EPHB1: variants seen among roughly 807,000 people sequenced by gnomAD.
The protein encoded by EPHB1 is EPH receptor B1.
EPHB1 carries 30 observed loss-of-function variants against 94.4 expected under a neutral mutation model. That is an observed-to-expected ratio of 0.32 (90% CI 0.24 to 0.43). The LOEUF (loss-of-function observed/expected upper bound fraction) is 0.43. Ranked by LOEUF, EPHB1 falls within the 20% of genes least tolerant of loss-of-function variation. The pLI, the probability that EPHB1 is intolerant of heterozygous loss-of-function variation, is 1.00. For missense variants in EPHB1, 1,055 were observed against 1,308.3 expected (o/e 0.81, Z 2.99); for synonymous variants, 522 against 489.1 (o/e 1.07, Z -0.89).
chr3:134,865,318 T>G (rs750717856), intron 1 of EPHB1, among the ~76,000 whole-genome samples: 1 of 152,178 alleles, frequency 6.6e-6, no homozygotes, highest in Non-Finnish European at 1.5e-5. Flanking sequence ...AACCTGCATA[T>G]TGAAATACAC....
rs2035796164 is a variant in EPHB1 at position 134,795,261 on chromosome 3, G to A, written c.-371G>A. ...GGGGATCCCGCTCCCTCCCGCGTCAGTCTGGCCGGCTCCGTCCTCCCGTAG... is the reference window on the plus strand; with the variant it reads ...GGGGATCCCGCTCCCTCCCGCGTCAATCTGGCCGGCTCCGTCCTCCCGTAG... On this transcript the variant is annotated 5_prime_UTR_variant, in exon 1 of 16. Transcript: ENST00000398015. The A allele has an allele frequency of 2.7e-6, 1 of 372,456 alleles. No homozygotes were observed. The highest frequency in any genetic ancestry group is 4.8e-6 in the Non-Finnish European group (1 of 206,396). 23.1% of individuals were successfully genotyped at this position (372,456 alleles called of 1,614,324 possible).
chr3:134,918,878 T>A (rs548296236), intron 1 of EPHB1, among the ~76,000 whole-genome samples: 2 of 152,354 alleles, frequency 1.3e-5, no homozygotes, highest in African/African-American at 4.8e-5. Flanking sequence ...AGTTATTAGG[T>A]GGTCAGAGGG....
chr3:135,023,297 A>T (rs924251430), intron 3 of EPHB1, among the ~76,000 whole-genome samples: 5 of 152,224 alleles, frequency 3.3e-5, no homozygotes, highest in African/African-American at 1.2e-4. Flanking sequence ...TACATCTCCC[A>T]TGGAGTACAG....
chr3:135,049,955 G>C (rs973165302), intron 3 of EPHB1, among the ~76,000 whole-genome samples: 4 of 152,158 alleles, frequency 2.6e-5, no homozygotes, highest in African/African-American at 9.7e-5. Flanking sequence ...TATGCTTCCA[G>C]TGGTACCCCG....
chr3:135,020,334 CAT>C (rs1429634080), intron 3 of EPHB1, among the ~76,000 whole-genome samples: 1 of 152,122 alleles, frequency 6.6e-6, no homozygotes, highest in Non-Finnish European at 1.5e-5. Context: ...TTAGTGTATT[CAT>C]AGAGTTGTGC....
intron 3 of EPHB1, among the ~76,000 whole-genome samples, chr3:134,964,213 C>A (rs377533082): frequency 2.6e-5 from 4 of 152,074 alleles, no homozygotes; most frequent in Admixed American, 1.3e-4. Flanking sequence ...GAGGGACCTC[C>A]GAAGAAACTG....
At chr3:135,244,036 G>T (rs1352849401) in intron 13 of EPHB1, among the ~76,000 whole-genome samples, 1 of 152,006 alleles carries the variant, frequency 6.6e-6, no homozygotes, top group Non-Finnish European at 1.5e-5. Context: ...ACATGTCTGG[G>T]GGCAGCCGGG....
intron 5 of EPHB1, among the ~76,000 whole-genome samples, chr3:135,149,998 A>G (rs1941143909): frequency 6.6e-6 from 1 of 152,202 alleles, no homozygotes; most frequent in Non-Finnish European, 1.5e-5. Flanking sequence ...AGACTCCTGC[A>G]CAGAAGTGCA....
intron 1 of EPHB1, among the ~76,000 whole-genome samples, chr3:134,875,941 T>C (rs1358097587): frequency 6.6e-6 from 1 of 152,164 alleles, no homozygotes; most frequent in Non-Finnish European, 1.5e-5. Flanking sequence ...CTTTCTAAAC[T>C]GCACACTTGG....
At chr3:134,972,539 A>G (rs1578243185) in intron 3 of EPHB1, among the ~76,000 whole-genome samples, 1 of 92,798 alleles carries the variant, frequency 1.1e-5, no homozygotes, top group African/African-American at 5.3e-5. Context: ...ATAAATATAT[A>G]TTATTATATA....
chr3:135,079,721 G>A (rs1938092456), intron 3 of EPHB1, among the ~76,000 whole-genome samples: 1 of 152,140 alleles, frequency 6.6e-6, no homozygotes, highest in African/African-American at 2.4e-5. Context: ...CAATTTGTGA[G>A]TGTGTGGTTG....
Position 134,795,567 on chromosome 3 carries a change from G to A in EPHB1, c.-65G>A, listed in dbSNP as rs1432661178. The stretch of plus-strand genomic sequence containing the variant: ...CCGCGGAGAGCGCAGCGGCGCCCTG[G>A]GACGCGGCGCTCTCCCGGCGCTGCT... On this transcript the variant is annotated 5_prime_UTR_variant, in exon 1 of 16. An upstream open reading frame in the 5' UTR gains an earlier in-frame stop. Transcript: ENST00000398015. The A allele has an allele frequency of 1.3e-6, 2 of 1,513,144 alleles. No individual in the cohort carries two copies. Among genetic ancestry groups the A allele is most frequent in the Non-Finnish European group, 9.1e-7 (1 of 1,103,222 alleles). 93.7% of individuals were successfully genotyped at this position (1,513,144 alleles called of 1,614,324 possible). A position where few individuals can be genotyped will look rare whatever the true frequency, so the allele number is the denominator to read the frequency against.
chr3:134,841,183 T>C (rs2108296564), intron 1 of EPHB1, among the ~76,000 whole-genome samples: 1 of 152,118 alleles, frequency 6.6e-6, no homozygotes, highest in African/African-American at 2.4e-5. Context: ...TCCAGGGAGT[T>C]TTCCTGGTTT....
At chr3:134,919,786 G>A (rs1349852206) in intron 1 of EPHB1, among the ~76,000 whole-genome samples, 1 of 152,086 alleles carries the variant, frequency 6.6e-6, no homozygotes, top group East Asian at 1.9e-4. Context: ...TTTGGGACTG[G>A]GGGGTATTAT....
At chr3:135,146,557 C>A (rs1421352961) in intron 5 of EPHB1, among the ~76,000 whole-genome samples, 1 of 152,182 alleles carries the variant, frequency 6.6e-6, no homozygotes, top group Non-Finnish European at 1.5e-5. Flanking sequence ...TCCTTAGGGA[C>A]AAGATACCCT....
At chr3:135,184,775 A>T (rs1942286886) in intron 10 of EPHB1, among the ~76,000 whole-genome samples, 1 of 152,224 alleles carries the variant, frequency 6.6e-6, no homozygotes. Flanking sequence ...AGAGTAATTG[A>T]AGTATCTTCA....
In EPHB1 at chr3:135,259,270, A is replaced by ACAG; in HGVS notation, c.*150_*151insCAG. Reference sequence around the variant, plus strand: ...TGAAGAATCAACCGGACCTGTTGCTAGCAGGCAATCTCCATTTCTCAGTGA... The same window carrying ACAG: ...TGAAGAATCAACCGGACCTGTTGCTACAGGCAGGCAATCTCCATTTCTCAGTGA... On this transcript the variant is annotated 3_prime_UTR_variant, in exon 16 of 16. Coordinates refer to ENST00000398015, the MANE Select transcript of EPHB1 (RefSeq NM_004441.5). 1 of 573,878 alleles carries ACAG rather than the reference A, an allele frequency of 1.7e-6. No individual in the cohort carries two copies. The highest frequency in any genetic ancestry group is 3.0e-6 in the Non-Finnish European group (1 of 331,204). The allele number at this position is 573,878 out of a possible 1,614,324, so 35.5% of individuals were successfully genotyped here.
intron 3 of EPHB1, among the ~76,000 whole-genome samples, chr3:134,955,207 C>T (rs1348384263): frequency 2.1e-5 from 1 of 47,334 alleles, no homozygotes; most frequent in East Asian, 3.2e-4. Flanking sequence ...GCTGCACCCA[C>T]TAACGTGTCA....
intron 3 of EPHB1, among the ~76,000 whole-genome samples, chr3:134,971,527 G>T (rs1057252712): frequency 2.0e-5 from 3 of 152,214 alleles, no homozygotes; most frequent in South Asian, 4.1e-4. Context: ...TTCTTAATGT[G>T]AATGTTTATT....
Sources: gnomAD v4.1 joint callset for allele counts (sites outside exome capture counted in the v4.1 genomes callset) on GRCh38, gnomAD v4.1.1 for gene constraint, MANE v1.5 for transcripts, NCBI Gene and HGNC (gene_info 2026-07-23, HGNC 2026-07-21) for gene names.